The following CRPPA variants were observed in gnomAD, a reference collection of about 807,000 sequenced individuals.
The protein encoded by CRPPA is D-ribitol-5-phosphate cytidylyltransferase.
In CRPPA, 43 loss-of-function variants were observed where a neutral mutation model predicts 52.0. The observed-to-expected ratio is 0.83, with a 90% confidence interval of 0.65 to 1.07. The LOEUF (loss-of-function observed/expected upper bound fraction) is 1.07. Ranked by LOEUF, CRPPA falls within the 50% of genes least tolerant of loss-of-function variation. The probability of loss-of-function intolerance (pLI) is 0.00; values close to 1 mark genes in which losing one functional copy is unlikely to be tolerated. For synonymous variants in CRPPA, 250 were observed against 203.5 expected, an observed-to-expected ratio of 1.23 and a Z score of -1.94; for missense variants, 629 against 551.7, an observed-to-expected ratio of 1.14 and a Z score of -1.40.
chr7:16,106,646 TA>T (rs1782158460), intron 9 of CRPPA, among the ~76,000 whole-genome samples: 1 of 152,208 alleles, frequency 6.6e-6, no homozygotes, highest in African/African-American at 2.4e-5. Context: ...CTATCCCTGC[TA>T]AAGAACACCT....
chr7:16,167,502 G>T (rs1217355457), intron 9 of CRPPA, among the ~76,000 whole-genome samples: 2 of 152,106 alleles, frequency 1.3e-5, no homozygotes, highest in South Asian at 4.1e-4. Context: ...ATCCAGTCTG[G>T]AATAAAGGCC....
chr7:16,315,031 A>G (rs937526520), intron 3 of CRPPA, among the ~76,000 whole-genome samples: 1 of 152,058 alleles, frequency 6.6e-6, no homozygotes, highest in African/African-American at 2.4e-5. Flanking sequence ...ACAGTTGCCC[A>G]TGATTCTTGG....
chr7:16,389,928 A>AAAAAAATATATAT lies in CRPPA; in HGVS notation c.535-13688_535-13687insATATATATTTTTT. The stretch of plus-strand genomic sequence containing the variant: ...GCCTAGTATACAAAAAAAAAAAAAA[A>AAAAAAATATATAT]ATATATATATATATATATATATATA... On this transcript the variant is annotated intron_variant, in intron 2 of 9. Transcript: ENST00000407010. 1.7e-4 allele frequency among the ~76,000 whole-genome samples: 5 copies of AAAAAAATATATAT among 29,760 alleles called. 1 individual carries two copies. The highest frequency in any genetic ancestry group is 8.6e-4 in the African/African-American group (5 of 5,784). The allele number at this position is 29,760 out of a possible 152,430, so 19.5% of individuals were successfully genotyped here. A position where few individuals can be genotyped will look rare whatever the true frequency, so the allele number is the denominator to read the frequency against.
Position 16,331,915 on chromosome 7 carries a change from A to G in CRPPA, c.685-23288T>C, listed in dbSNP as rs1245391163. ...TAAAAGAAAAAAATTAACTGAAGAAATATTTGAGACAACAGTGACTGATAA... is the reference window on the plus strand; with the variant it reads ...TAAAAGAAAAAAATTAACTGAAGAAGTATTTGAGACAACAGTGACTGATAA... On this transcript the variant is annotated intron_variant, in intron 3 of 9. Transcript: ENST00000407010. Among the ~76,000 whole-genome samples the G allele has an allele frequency of 2.6e-5, 4 of 152,322 alleles. No individual in the cohort carries two copies. In the East Asian group the frequency reaches 7.7e-4, roughly 29 times the overall value.
chr7:16,198,098 G>A (rs1434150634), intron 9 of CRPPA, among the ~76,000 whole-genome samples: 37 of 85,192 alleles, frequency 4.3e-4, no homozygotes, highest in Non-Finnish European at 7.8e-4. Context: ...ATATGGCCTC[G>A]TGGGAAGGGA....
intron 6 of CRPPA, among the ~76,000 whole-genome samples, chr7:16,270,950 T>C (rs774121476): frequency 1.5e-4 from 23 of 151,784 alleles, no homozygotes; most frequent in Non-Finnish European, 2.9e-4. Flanking sequence ...TTTACTGAGG[T>C]CTATAACAAA....
At chr7:16,302,295 C>CAAAAAAAAA (rs34666735) in intron 4 of CRPPA, among the ~76,000 whole-genome samples, 3 of 53,372 alleles carry the variant, frequency 5.6e-5, no homozygotes, top group African/African-American at 1.6e-4. Context: ...GACTCTGTCT[C>CAAAAAAAAA]AAAAAAAAAA....
At chr7:16,164,034 C>T (rs1780987817) in intron 9 of CRPPA, among the ~76,000 whole-genome samples, 1 of 152,086 alleles carries the variant, frequency 6.6e-6, no homozygotes, top group Admixed American at 6.5e-5. Context: ...CTCCGTATTT[C>T]CTGAATCTGG....
At chr7:16,399,691 G>A (rs1161847402) in intron 2 of CRPPA, among the ~76,000 whole-genome samples, 2 of 152,012 alleles carry the variant, frequency 1.3e-5, no homozygotes, top group Non-Finnish European at 2.9e-5. Context: ...AGTGACACGT[G>A]AGCAACACGT....
intron 1 of CRPPA, among the ~76,000 whole-genome samples, chr7:16,420,860 TG>T (rs1214179852): frequency 3.3e-5 from 5 of 152,026 alleles, no homozygotes; most frequent in Non-Finnish European, 7.4e-5. Context: ...AAGGGCTCTG[TG>T]GGGGAGCTGC....
intron 5 of CRPPA, among the ~76,000 whole-genome samples, chr7:16,288,295 A>T (rs1784490467): frequency 6.6e-6 from 1 of 152,160 alleles, no homozygotes; most frequent in African/African-American, 2.4e-5. Context: ...TATTTTAGAG[A>T]AATAAAAAAT....
intron 9 of CRPPA, among the ~76,000 whole-genome samples, chr7:16,143,636 T>A (rs1423340417): frequency 6.6e-6 from 1 of 152,200 alleles, no homozygotes; most frequent in Admixed American, 6.5e-5. Context: ...GTTTCTGTAG[T>A]TATGTATAAA....
At chr7:16,303,353 T>G (rs549851315) in intron 4 of CRPPA, among the ~76,000 whole-genome samples, 1 of 152,026 alleles carries the variant, frequency 6.6e-6, no homozygotes, top group South Asian at 2.1e-4. Context: ...AATCTAGTAG[T>G]TAGCTAATCT....
At chr7:16,256,039 A>C (rs548217749) in intron 8 of CRPPA, among the ~76,000 whole-genome samples, 42 of 152,340 alleles carry the variant, frequency 2.8e-4, no homozygotes, top group African/African-American at 9.6e-4. Flanking sequence ...TTTGCAATCT[A>C]TCTATCTGAC....
At chr7:16,383,701 A>G (rs559559505) in intron 2 of CRPPA, among the ~76,000 whole-genome samples, 1,777 of 152,306 alleles carry the variant, frequency 0.012, 37 homozygotes, top group African/African-American at 0.041. Flanking sequence ...GGGCAATGGC[A>G]GGCGCCCCTC....
intron 9 of CRPPA, among the ~76,000 whole-genome samples, chr7:16,178,073 A>G (rs550911609): frequency 3.0e-4 from 45 of 152,046 alleles, no homozygotes; most frequent in African/African-American, 1.1e-3. Context: ...AAAAAAAAAA[A>G]AGAGAAAAAT....
chr7:16,306,966 T>G (rs1451159329), intron 4 of CRPPA, among the ~76,000 whole-genome samples: 1 of 152,170 alleles, frequency 6.6e-6, no homozygotes, highest in Non-Finnish European at 1.5e-5. Flanking sequence ...AGTCTTAGAA[T>G]TCAACATTTT....
intron 9 of CRPPA, among the ~76,000 whole-genome samples, chr7:16,194,842 CT>C (rs1443262706): frequency 2.1e-5 from 2 of 94,398 alleles, no homozygotes; most frequent in African/African-American, 6.6e-5. Flanking sequence ...TGTTTTTGGT[CT>C]TTTGGTTTTT....
chr7:16,100,702 G>C (rs1022259945), intron 9 of CRPPA, among the ~76,000 whole-genome samples: 1 of 152,148 alleles, frequency 6.6e-6, no homozygotes, highest in Non-Finnish European at 1.5e-5. Context: ...AATAGGAGTG[G>C]TGAGAGAGGG....
Sources: allele counts gnomAD v4.1 joint callset (sites outside exome capture counted in the v4.1 genomes callset), GRCh38; gene constraint gnomAD v4.1.1; transcripts MANE v1.5; gene names NCBI Gene and HGNC (gene_info 2026-07-23, HGNC 2026-07-21).